EPB41: variants seen among roughly 807,000 people sequenced by gnomAD.
The protein encoded by EPB41 is erythrocyte membrane protein band 4.1.
EPB41 carries 65 observed loss-of-function variants against 108.0 expected under a neutral mutation model. The observed-to-expected ratio is 0.60, with a 90% CI of 0.49 to 0.74. The LOEUF is 0.74. EPB41 is among the 30% of genes least tolerant of loss of function. EPB41 has a pLI of 0.00. For synonymous variants in EPB41, 336 were observed against 358.9 expected (o/e 0.94, Z 0.72); for missense variants, 875 against 1,037.0 (o/e 0.84, Z 2.15).
intron 1 of EPB41, among the ~76,000 whole-genome samples, chr1:28,905,993 A>AT (rs2091794848): frequency 6.6e-6 from 1 of 151,568 alleles, no homozygotes; most frequent in Non-Finnish European, 1.5e-5. Flanking sequence ...AATTTTATGT[A>AT]TTTTTAGTAG....
At chr1:29,045,175 G>A (rs1194512785) in intron 11 of EPB41, among the ~76,000 whole-genome samples, 9 of 152,038 alleles carry the variant, frequency 5.9e-5, no homozygotes, top group Admixed American at 5.9e-4. Context: ...TTGATTATAT[G>A]GATCAGTTTG....
chr1:28,945,046 A>G (rs936390697), intron 1 of EPB41, among the ~76,000 whole-genome samples: 1 of 151,082 alleles, frequency 6.6e-6, no homozygotes, highest in Non-Finnish European at 1.5e-5. Flanking sequence ...AGATCGTGCC[A>G]TGGTACTCCA....
intron 1 of EPB41, among the ~76,000 whole-genome samples, chr1:28,922,127 G>A (rs1166492624): frequency 3.3e-5 from 5 of 150,732 alleles, no homozygotes; most frequent in South Asian, 2.1e-4. Flanking sequence ...GTGCCACCAC[G>A]CCTGGCTAAT....
chr1:28,942,829 C>T (rs1232756762), intron 1 of EPB41, among the ~76,000 whole-genome samples: 2 of 152,324 alleles, frequency 1.3e-5, no homozygotes, highest in East Asian at 3.9e-4. Context: ...CCTGGAACCC[C>T]AGCCATCACT....
At chr1:29,103,497 A>T (rs1393417553) in intron 17 of EPB41, among the ~76,000 whole-genome samples, 2 of 152,196 alleles carry the variant, frequency 1.3e-5, no homozygotes, top group African/African-American at 2.4e-5. Context: ...CTCTTCTGAA[A>T]AATACTGTGA....
At chr1:29,109,710 G>T in intron 18 of EPB41, 1 of 480,866 alleles carries the variant, frequency 2.1e-6, no homozygotes, top group Non-Finnish European at 3.8e-6. Context: ...TGGTCAGTGA[G>T]TCCCCTGTCT....
intron 1 of EPB41, among the ~76,000 whole-genome samples, chr1:28,977,734 G>A (rs959899058): frequency 5.9e-5 from 9 of 152,016 alleles, no homozygotes; most frequent in African/African-American, 1.7e-4. Flanking sequence ...CTTTTCCTCT[G>A]TACCCGTCCT....
chr1:28,963,745 A>G (rs1436517926), intron 1 of EPB41, among the ~76,000 whole-genome samples: 1 of 152,238 alleles, frequency 6.6e-6, no homozygotes, highest in Non-Finnish European at 1.5e-5. Flanking sequence ...ATGCTTCATT[A>G]TAACCCTGGT....
intron 19 of EPB41, among the ~76,000 whole-genome samples, chr1:29,112,649 G>C (rs967050486): frequency 2.0e-5 from 3 of 152,164 alleles, no homozygotes; most frequent in African/African-American, 7.2e-5. Context: ...AAATGTAATG[G>C]AAAGAACATG....
intron 1 of EPB41, among the ~76,000 whole-genome samples, chr1:28,915,231 G>A (rs2092539340): frequency 6.6e-6 from 1 of 152,290 alleles, no homozygotes; most frequent in South Asian, 2.1e-4. Flanking sequence ...GAGGACTGCA[G>A]GGAGCCCTGG....
intron 16 of EPB41, among the ~76,000 whole-genome samples, chr1:29,067,922 C>T (rs1000969453): frequency 1.3e-5 from 2 of 152,074 alleles, no homozygotes; most frequent in African/African-American, 4.8e-5. Flanking sequence ...AGCATGTATC[C>T]TGAACTGAGA....
At chr1:28,971,181 T>TC (rs1491424076) in intron 1 of EPB41, among the ~76,000 whole-genome samples, 1 of 38,628 alleles carries the variant, frequency 2.6e-5, no homozygotes, top group African/African-American at 2.3e-4. Flanking sequence ...TCTTTCTTTC[T>TC]TTTTTTTTTT....
chr1:29,114,595 A>T (rs1199067840), intron 19 of EPB41, among the ~76,000 whole-genome samples: 1 of 149,740 alleles, frequency 6.7e-6, no homozygotes, highest in Non-Finnish European at 1.5e-5. Context: ...GTGAGCCAAG[A>T]TCACACCACT....
chr1:28,948,153 C>T (rs1448919647), intron 1 of EPB41, among the ~76,000 whole-genome samples: 2 of 152,024 alleles, frequency 1.3e-5, no homozygotes, highest in African/African-American at 2.4e-5. Flanking sequence ...ACTCAAACAA[C>T]AGTTCTTAGA....
chr1:28,958,374 G>A (rs894839587), intron 1 of EPB41, among the ~76,000 whole-genome samples: 1 of 152,040 alleles, frequency 6.6e-6, no homozygotes, highest in African/African-American at 2.4e-5. Context: ...CTTGAGCCTG[G>A]GAGATTGAAG....
In EPB41 at chr1:29,117,222, G is replaced by A. The variant is rs1671164671; in HGVS notation, c.*410G>A. The A allele has an allele frequency of 6.6e-6, 1 of 152,594 alleles. No homozygotes were observed. Among genetic ancestry groups the A allele is most frequent in the Admixed American group, 6.5e-5 (1 of 15,274 alleles). 9.5% of individuals were successfully genotyped at this position (152,594 alleles called of 1,614,324 possible). A position where few individuals can be genotyped will look rare whatever the true frequency, so the allele number is the denominator to read the frequency against. On this transcript the variant is annotated 3_prime_UTR_variant, in exon 21 of 21. Transcript: ENST00000343067. Reference sequence around the variant, plus strand: ...TCAGCTGTGTTGGAAGCCAAAGCCAGCTTAGTGGGACTTCCGCGTCTCTCC... The same window carrying A: ...TCAGCTGTGTTGGAAGCCAAAGCCAACTTAGTGGGACTTCCGCGTCTCTCC...
intron 9 of EPB41, 24 bp from the exon 10 acceptor site, chr1:29,035,802 C>T (rs941215566): frequency 1.3e-6 from 2 of 1,547,836 alleles, no homozygotes; most frequent in Non-Finnish European, 1.8e-6. Context: ...ACTTCATGTC[C>T]CATGTTTATT....
chr1:29,019,754 G>C (rs1203545835), intron 7 of EPB41, among the ~76,000 whole-genome samples: 2 of 152,152 alleles, frequency 1.3e-5, no homozygotes, highest in Non-Finnish European at 2.9e-5. Context: ...GGATTGGGAT[G>C]CTTCAAATGA....
In EPB41 at chr1:29,115,497, G is replaced by T. The variant is rs965089468; in HGVS notation, c.2497-202G>T. Among the ~76,000 whole-genome samples the T allele has an allele frequency of 6.6e-6, 1 of 152,180 alleles. No individual in the cohort carries two copies. Among genetic ancestry groups the T allele is most frequent in the Non-Finnish European group, 1.5e-5 (1 of 68,040 alleles). Reference sequence around the variant, plus strand: ...CTAGAAGACAGCGCTAACCTTCCCTGTCCCTGTGTTATCAGTCCAGAAGCC... The same window carrying T: ...CTAGAAGACAGCGCTAACCTTCCCTTTCCCTGTGTTATCAGTCCAGAAGCC... On this transcript the variant is annotated intron_variant, in intron 19 of 20. Coordinates refer to ENST00000343067, the MANE Select transcript of EPB41 (RefSeq NM_001376013.1). The surrounding 1 kb of genome is among the most constrained non-coding windows in gnomAD (Gnocchi z 4.4).
Sources: gnomAD v4.1 joint callset for allele counts (sites outside exome capture counted in the v4.1 genomes callset) on GRCh38, gnomAD v4.1.1 for gene constraint, Gnocchi (gnomAD v3.1) non-coding constraint, MANE v1.5 for transcripts, NCBI Gene and HGNC (gene_info 2026-07-23, HGNC 2026-07-21) for gene names.